Variants in GYS2 observed in about 807,000 individuals in gnomAD.
GYS2 encodes glycogen synthase 2, also known as glycogen [starch] synthase, liver.
A neutral mutation model predicts 85.6 loss-of-function variants in GYS2; 80 were observed. That is an observed-to-expected ratio of 0.93 (90% confidence interval 0.78 to 1.13). The LOEUF (loss-of-function observed/expected upper bound fraction) is 1.13, where lower values mean the gene tolerates loss of function less well. Ranked by LOEUF, GYS2 falls within the 50% of genes most tolerant of loss-of-function variation. The pLI is 0.00. For synonymous variants in GYS2, 328 were observed against 300.7 expected (o/e 1.09, Z -0.94); for missense variants, 881 against 854.9 (o/e 1.03, Z -0.38).
chr12:21,553,013 T>C (rs1465341857), intron 11 of GYS2, among the ~76,000 whole-genome samples: 1 of 152,256 alleles, frequency 6.6e-6, no homozygotes, highest in Non-Finnish European at 1.5e-5. Flanking sequence ...ATACTTATTA[T>C]GTATTTACTA....
At chr12:21,554,055 C>T (rs1372957609) in intron 11 of GYS2, among the ~76,000 whole-genome samples, 2 of 151,944 alleles carry the variant, frequency 1.3e-5, no homozygotes, top group Admixed American at 1.3e-4. Flanking sequence ...GTATATTAGC[C>T]AATTTTTATT....
At chr12:21,539,601 A>C (rs113248429) in intron 14 of GYS2, among the ~76,000 whole-genome samples, 1 of 152,202 alleles carries the variant, frequency 6.6e-6, no homozygotes, top group African/African-American at 2.4e-5. Context: ...ATTGAGCATT[A>C]AGGTGACTGA....
chr12:21,604,835 C>G lies in GYS2; in HGVS notation c.-243G>C, dbSNP rs1944789826. 7.9e-7 allele frequency: 1 copy of G among 1,270,132 alleles called. No homozygotes were observed. The highest frequency in any genetic ancestry group is 1.0e-6 in the Non-Finnish European group (1 of 995,074). 78.7% of individuals were successfully genotyped at this position (1,270,132 alleles called of 1,614,324 possible). On this transcript the variant is annotated 5_prime_UTR_variant, in exon 1 of 16. Transcript: ENST00000261195. ...CAGGTATTGTGAGGACGGTATCTGC[C>G]CTGTCAGTATCTACCCAAACAATCC...
intron 1 of GYS2, among the ~76,000 whole-genome samples, chr12:21,580,762 C>T (rs1367251181): frequency 6.6e-6 from 1 of 152,196 alleles, no homozygotes; most frequent in African/African-American, 2.4e-5. Context: ...TGTGAAATAG[C>T]AGCAGGCTGA....
intron 3 of GYS2, among the ~76,000 whole-genome samples, chr12:21,574,917 A>G (rs540112440): frequency 6.6e-6 from 1 of 152,162 alleles, no homozygotes; most frequent in South Asian, 2.1e-4. Flanking sequence ...AAAAAAATGC[A>G]TATGAAGAAA....
chr12:21,550,126 T>C (rs1044541772), intron 11 of GYS2, among the ~76,000 whole-genome samples: 1 of 152,176 alleles, frequency 6.6e-6, no homozygotes, highest in African/African-American at 2.4e-5. Context: ...ATTTCTTTGA[T>C]TTTTGACACA....
chr12:21,543,678 C>G (rs924874272), intron 12 of GYS2, among the ~76,000 whole-genome samples: 1 of 152,080 alleles, frequency 6.6e-6, no homozygotes, highest in Non-Finnish European at 1.5e-5. Context: ...CTGCACCTAT[C>G]AACCCATCGT....
In GYS2 at chr12:21,542,564, C is replaced by A. The variant is rs760859280; in HGVS notation, c.1577G>T (p.Ser526Ile). The change falls in exon 13 of 16, where the codon AGT (serine) becomes ATT (isoleucine). Residue 526 changes from serine (S) to isoleucine (I), a missense_variant. Transcript: ENST00000261195. ...PAECTVMGIP[S>I]VTTNLSGFGC... The stretch of plus-strand genomic sequence containing the variant: ...AAACCCGGAGAGATTCGTGGTCACA[C>A]TGGGGATACCCATCACAGTGCATTC... 25 of 1,613,288 alleles carry A rather than the reference C, an allele frequency of 1.5e-5. No homozygotes were observed. The highest frequency in any genetic ancestry group is 1.9e-5 in the Non-Finnish European group (23 of 1,179,488).
At chr12:21,550,436 C>G (rs1944094032) in intron 11 of GYS2, among the ~76,000 whole-genome samples, 1 of 152,172 alleles carries the variant, frequency 6.6e-6, no homozygotes, top group South Asian at 2.1e-4. Context: ...CACTCCCTCA[C>G]ATGCACGGAT....
At chr12:21,571,870 G>A (rs1944390131) in intron 4 of GYS2, among the ~76,000 whole-genome samples, 1 of 151,988 alleles carries the variant, frequency 6.6e-6, no homozygotes. Flanking sequence ...GCTGAGGCAG[G>A]GGAATCGCTT....
At chr12:21,559,854 T>C in intron 8 of GYS2, 144 bp from the exon 9 acceptor site, 1 of 687,642 alleles carries the variant, frequency 1.5e-6, no homozygotes, top group Admixed American at 2.5e-5. Flanking sequence ...TCTCTTCTAT[T>C]ATTTTACTAC....
intron 8 of GYS2, among the ~76,000 whole-genome samples, chr12:21,559,939 A>AC (rs1258013830): frequency 1.3e-5 from 2 of 152,152 alleles, no homozygotes; most frequent in African/African-American, 2.4e-5. Context: ...AGAGCTTAAA[A>AC]TTTTTTTGCT....
At chr12:21,572,237 C>T (rs978666155) in intron 4 of GYS2, among the ~76,000 whole-genome samples, 8 of 152,010 alleles carry the variant, frequency 5.3e-5, no homozygotes, top group Non-Finnish European at 1.2e-4. Flanking sequence ...TGGCTACTAA[C>T]AAAAATTGTT....
downstream of GYS2, among the ~76,000 whole-genome samples, chr12:21,534,687 C>G (rs1943894754): frequency 6.6e-6 from 1 of 151,802 alleles, no homozygotes; most frequent in Admixed American, 6.6e-5. Context: ...AAACATAATC[C>G]CATTGTAAGT....
rs183529209 is a variant in GYS2 at position 21,563,415 on chromosome 12, T to C, written c.824-70A>G. The C allele has an allele frequency of 3.4e-4, 277 of 825,020 alleles. 1 individual carries two copies. Among genetic ancestry groups the C allele is most frequent in the Non-Finnish European group, 2.8e-5 (13 of 466,952 alleles). The allele number at this position is 825,020 out of a possible 1,614,324, so 51.1% of individuals were successfully genotyped here. A position where few individuals can be genotyped will look rare whatever the true frequency, so the allele number is the denominator to read the frequency against. On this transcript the variant is annotated intron_variant, in intron 5 of 15. Transcript: ENST00000261195. Reference sequence around the variant, plus strand: ...GAGGGTACCATTGTAGAAAAAAGTATCTTTAAAACTATAAAGTTAGATGTT... The same window carrying C: ...GAGGGTACCATTGTAGAAAAAAGTACCTTTAAAACTATAAAGTTAGATGTT...
chr12:21,555,612 A>ACTGAAGCTCACCAGATCATCACATC (rs1252282736), intron 11 of GYS2, among the ~76,000 whole-genome samples: 1 of 152,186 alleles, frequency 6.6e-6, no homozygotes, highest in South Asian at 2.1e-4. Context: ...CAGGTAAGGG[A>ACTGAAGCTCACCAGATCATCACATC]CTGAAGCTCA....
At chr12:21,551,894 G>A (rs941610576) in intron 11 of GYS2, among the ~76,000 whole-genome samples, 3 of 152,114 alleles carry the variant, frequency 2.0e-5, no homozygotes, top group Admixed American at 6.6e-5. Context: ...CTACTTTAGC[G>A]TTTCCAAGCT....
chr12:21,580,476 C>T lies in GYS2; in HGVS notation c.169G>A (p.Asp57Asn). 1 of 1,613,780 alleles carries T rather than the reference C, an allele frequency of 6.2e-7. No homozygotes were observed. Among genetic ancestry groups the T allele is most frequent in the South Asian group, 1.1e-5 (1 of 91,068 alleles). Residue 57 changes from aspartate (D) to asparagine (N), a missense_variant, in exon 2 of 16, where the codon GAT (aspartate) becomes AAT (asparagine). By Grantham distance (23) the Asp-to-Asn change is conservative. Coordinates refer to ENST00000261195, the MANE Select transcript of GYS2 (RefSeq NM_021957.4). ...VIQTKAKTTA[D>N]EWGENYFLIG... ...AGAAAATAGTTCTCTCCCCATTCATCTGCTGTTGTTTTGGCCTTTGTCTGA... is the reference window on the plus strand; with the variant it reads ...AGAAAATAGTTCTCTCCCCATTCATTTGCTGTTGTTTTGGCCTTTGTCTGA...
chr12:21,601,066 T>C (rs970357861), intron 1 of GYS2, among the ~76,000 whole-genome samples: 2 of 152,162 alleles, frequency 1.3e-5, no homozygotes, highest in Admixed American at 6.5e-5. Flanking sequence ...CAACATTTAT[T>C]AAACTTTTTT....
Sources: allele counts gnomAD v4.1 joint callset (sites outside exome capture counted in the v4.1 genomes callset), GRCh38; gene constraint gnomAD v4.1.1; transcripts MANE v1.5; gene names NCBI Gene and HGNC (gene_info 2026-07-23, HGNC 2026-07-21).